ADGRD1: variants seen among roughly 807,000 people sequenced by gnomAD.
ADGRD1 encodes the protein adhesion G protein-coupled receptor D1.
A neutral mutation model predicts 113.4 loss-of-function variants in ADGRD1; 77 were observed. The ratio of observed to expected loss-of-function variants is 0.68; its 90% CI spans 0.57 to 0.82. ADGRD1 has a LOEUF of 0.82. ADGRD1 is among the 40% of genes least tolerant of loss of function. The pLI is 0.00. For missense variants in ADGRD1, 1,036 were observed against 1,139.1 expected (o/e 0.91, Z 1.30); for synonymous variants, 474 against 475.0 (o/e 1.00, Z 0.03).
chr12:131,035,372 A>AC (rs1881267378), intron 13 of ADGRD1: 1 of 152,340 alleles, frequency 6.6e-6, no homozygotes, highest in East Asian at 1.9e-4. Flanking sequence ...GGCGTGTGCC[A>AC]CACAGTAGGG....
chr12:131,055,905 G>A (rs1883826107), intron 13 of ADGRD1, among the ~76,000 whole-genome samples: 2 of 152,062 alleles, frequency 1.3e-5, no homozygotes, highest in South Asian at 4.2e-4. Flanking sequence ...CATATCAGAG[G>A]GCTCAAGACC....
In ADGRD1 at chr12:130,954,243, C is replaced by T. The variant is rs1869239906; in HGVS notation, c.-223C>T. ...TCCACAGCTGCTCTGGTCATCGCAA[C>T]GTGTTTATTGATCACTGAAGAATCT... On this transcript the variant is annotated 5_prime_UTR_variant, in exon 1 of 25. The change creates a new upstream start codon in the 5' untranslated region. Transcript: ENST00000261654. This position sits in a 1 kb window ranked among gnomAD's most constrained non-coding sequence, Gnocchi z 4.7. 2.1e-6 allele frequency: 1 copy of T among 466,680 alleles called. No individual in the cohort carries two copies. Among genetic ancestry groups the T allele is most frequent in the Non-Finnish European group, 3.7e-6 (1 of 268,242 alleles). The allele number at this position is 466,680 out of a possible 1,614,324, so 28.9% of individuals were successfully genotyped here. A position where few individuals can be genotyped will look rare whatever the true frequency, so the allele number is the denominator to read the frequency against.
intron 8 of ADGRD1, among the ~76,000 whole-genome samples, chr12:130,994,963 G>A (rs983803076): frequency 6.6e-6 from 1 of 152,176 alleles, no homozygotes; most frequent in Non-Finnish European, 1.5e-5. Context: ...AGGGCAGGCC[G>A]GAGCCACTGT....
At chr12:131,055,316 C>T (rs899172573) in intron 13 of ADGRD1, among the ~76,000 whole-genome samples, 9 of 152,110 alleles carry the variant, frequency 5.9e-5, no homozygotes, top group African/African-American at 1.7e-4. Context: ...ATGTAGGTCT[C>T]GTCTGGTTGA....
chr12:131,059,602 C>T (rs1884151331), intron 13 of ADGRD1, among the ~76,000 whole-genome samples: 1 of 152,238 alleles, frequency 6.6e-6, no homozygotes, highest in African/African-American at 2.4e-5. Context: ...TGCTTCAAAA[C>T]TCCAAATCTG....
At position 131,129,698 on chromosome 12, in the gene ADGRD1, G is replaced by A. The variant is rs552172712; in HGVS notation, c.2176-2027G>A. ...CACTCCCAAAACAAGGAAAGAACTG[G>A]AAGAATTGTTTTGAAAAAATAGTCG... On this transcript the variant is annotated intron_variant, in intron 20 of 24. Coordinates refer to ENST00000261654, the MANE Select transcript of ADGRD1 (RefSeq NM_198827.5). Among the ~76,000 whole-genome samples, 51 of 152,358 alleles carry A rather than the reference G, an allele frequency of 3.3e-4. No individual in the cohort carries two copies. The South Asian group carries it at 6.0e-3, about 18-fold the overall frequency.
At chr12:130,985,880 A>C (rs1038181207) in intron 5 of ADGRD1, among the ~76,000 whole-genome samples, 2 of 152,074 alleles carry the variant, frequency 1.3e-5, no homozygotes, top group Non-Finnish European at 2.9e-5. Context: ...TGGAACGTGG[A>C]TATTCAGTTG....
At position 131,076,805 on chromosome 12, in the gene ADGRD1, G is replaced by A. The variant is rs747848624; in HGVS notation, c.1478G>A (p.Arg493His). 28 of 1,613,882 alleles carry A rather than the reference G, an allele frequency of 1.7e-5. No individual in the cohort carries two copies. Among genetic ancestry groups the A allele is most frequent in the Non-Finnish European group, 2.3e-5 (27 of 1,179,898 alleles). Residue 493 changes from arginine (R) to histidine (H), a missense_variant, in exon 14 of 25, where the codon CGT becomes CAT. Coordinates refer to ENST00000261654, the MANE Select transcript of ADGRD1 (RefSeq NM_198827.5). ...ITVHLKHRLT[R>H]KQHSEATNSS... ...GTTTGCTTTCTTTCATTTCAGACAC[G>A]TAAGCAGCACAGTGAGGCCACCAAC...
Position 130,962,351 on chromosome 12 carries a change from G to T in ADGRD1, c.104-4112G>T, listed in dbSNP as rs147394120. 2.2e-4 allele frequency: 33 copies of T among 152,348 alleles called. 1 individual carries two copies. Among genetic ancestry groups the T allele is most frequent in the African/African-American group, 7.7e-4 (32 of 41,574 alleles). 9.4% of individuals were successfully genotyped at this position (152,348 alleles called of 1,614,324 possible). A position where few individuals can be genotyped will look rare whatever the true frequency, so the allele number is the denominator to read the frequency against. ...ATCACTTTACTCTGTCAGCCTTTCT[G>T]CCAGGACTGATTGTGGCCATTTGTA... is the stretch of plus-strand genomic sequence containing the variant. On this transcript the variant is annotated intron_variant, in intron 2 of 24. Transcript: ENST00000261654.
At chr12:131,064,060 AT>A (rs1332571109) in intron 13 of ADGRD1, among the ~76,000 whole-genome samples, 4 of 152,232 alleles carry the variant, frequency 2.6e-5, no homozygotes, top group Non-Finnish European at 4.4e-5. Context: ...AACTCACTTA[AT>A]AATTGTAGGA....
intron 19 of ADGRD1, among the ~76,000 whole-genome samples, chr12:131,118,864 CACAT>C (rs1173722917): frequency 6.6e-6 from 1 of 152,182 alleles, no homozygotes; most frequent in African/African-American, 2.4e-5. Context: ...AGGGAGCAGA[CACAT>C]GCATGTTGGA....
At chr12:131,105,025 G>T in intron 16 of ADGRD1, 91 bp downstream of exon 16, 3 of 903,956 alleles carry the variant, frequency 3.3e-6, no homozygotes, top group Non-Finnish European at 5.0e-6. Context: ...GAGGGGAGGG[G>T]CTGTGGAGGT....
chr12:131,099,697 G>A (rs1950024383), intron 15 of ADGRD1, among the ~76,000 whole-genome samples: 2 of 152,186 alleles, frequency 1.3e-5, no homozygotes, highest in Admixed American at 1.3e-4. Flanking sequence ...AGGTCATTTT[G>A]ATCATCTATC....
At chr12:131,065,550 C>T (rs376122862) in intron 13 of ADGRD1, among the ~76,000 whole-genome samples, 13 of 152,260 alleles carry the variant, frequency 8.5e-5, no homozygotes, top group Middle Eastern at 3.4e-3. Flanking sequence ...TTTCCTGATA[C>T]GGATCTGTCC....
At chr12:131,035,246 G>C (rs1172581958) in intron 13 of ADGRD1, 1 of 152,648 alleles carries the variant, frequency 6.6e-6, no homozygotes, top group Admixed American at 6.5e-5. Context: ...CTTTCCCAGC[G>C]CTCCTGGACC....
intron 13 of ADGRD1, among the ~76,000 whole-genome samples, chr12:131,067,513 C>T (rs1396434959): frequency 2.0e-5 from 3 of 151,670 alleles, no homozygotes; most frequent in South Asian, 2.1e-4. Flanking sequence ...TATGTCTGAT[C>T]GCTGTGCCCC....
At chr12:131,013,936 G>T (rs11061280) in intron 12 of ADGRD1, among the ~76,000 whole-genome samples, 6 of 152,126 alleles carry the variant, frequency 3.9e-5, no homozygotes, top group Admixed American at 3.9e-4. Context: ...TGGTCCTGGC[G>T]TCACACCTTA....
Position 130,954,701 on chromosome 12 carries a change from C to T in ADGRD1, c.103+41C>T, listed in dbSNP as rs759525845. ...TCTCACTCTGAGCACCGCTCTCCCC[C>T]TGCCTAGTGCAGGTATCTCAGGAAC... On this transcript the variant is annotated intron_variant, in intron 2 of 24. Transcript: ENST00000261654. The surrounding 1 kb of genome is among the most constrained non-coding windows in gnomAD (Gnocchi z 4.7). 6.3e-7 allele frequency: 1 copy of T among 1,583,054 alleles called. No homozygotes were observed. The highest frequency in any genetic ancestry group is 1.1e-5 in the South Asian group (1 of 90,446).
chr12:131,044,193 C>T (rs1192054361), intron 13 of ADGRD1, among the ~76,000 whole-genome samples: 1 of 152,166 alleles, frequency 6.6e-6, no homozygotes, highest in Non-Finnish European at 1.5e-5. Context: ...GAAGTCCTAG[C>T]TATGTGGGAA....
Sources: allele counts gnomAD v4.1 joint callset (sites outside exome capture counted in the v4.1 genomes callset), GRCh38; gene constraint gnomAD v4.1.1; non-coding constraint Gnocchi (gnomAD v3.1); transcripts MANE v1.5; gene names NCBI Gene and HGNC (gene_info 2026-07-23, HGNC 2026-07-21).